Variants in CHODL observed in about 807,000 individuals in gnomAD.
CHODL encodes the protein transmembrane protein MT75.
A neutral mutation model predicts 34.5 loss-of-function variants in CHODL; 29 were observed. That is an observed-to-expected ratio of 0.84 (90% CI 0.63 to 1.15). CHODL has a LOEUF of 1.15. Among genes scored for constraint, CHODL ranks in the 50% most tolerant of loss-of-function variants. CHODL has a pLI of 0.00. For missense variants in CHODL, 332 were observed against 332.5 expected, an observed-to-expected ratio of 1.00 and a Z score of 0.01; for synonymous variants, 125 against 116.1, an observed-to-expected ratio of 1.08 and a Z score of -0.49.
chr21:18,146,945 C>A (rs1416949750), intron 2 of CHODL, among the ~76,000 whole-genome samples: 2 of 152,146 alleles, frequency 1.3e-5, no homozygotes, highest in Non-Finnish European at 2.9e-5. Flanking sequence ...GTGTTGAGAT[C>A]TTGGAAGAGG....
At chr21:18,002,915 A>G (rs2063921008) in intron 1 of CHODL, among the ~76,000 whole-genome samples, 1 of 152,184 alleles carries the variant, frequency 6.6e-6, no homozygotes, top group South Asian at 2.1e-4. Flanking sequence ...TAAGGTCAGG[A>G]GATCGAGACC....
At chr21:18,048,432 G>T (rs1487839730) in intron 2 of CHODL, among the ~76,000 whole-genome samples, 1 of 151,924 alleles carries the variant, frequency 6.6e-6, no homozygotes, top group African/African-American at 2.4e-5. Flanking sequence ...GGAACTAGGT[G>T]TGGGTATATA....
chr21:18,236,112 C>A (rs2074026412), intron 2 of CHODL, among the ~76,000 whole-genome samples: 1 of 152,044 alleles, frequency 6.6e-6, no homozygotes, highest in African/African-American at 2.4e-5. Flanking sequence ...ATTCACAGTT[C>A]CACGTGGCTG....
rs1568952588 is a variant in CHODL, at chr21:18,245,019, C to G, written c.-205C>G. 2.5e-5 allele frequency: 12 copies of G among 476,920 alleles called. No homozygotes were observed. Among genetic ancestry groups the G allele is most frequent in the Non-Finnish European group, 4.4e-5 (12 of 274,484 alleles). The allele number at this position is 476,920 out of a possible 1,614,324, so 29.5% of individuals were successfully genotyped here. On this transcript the variant is annotated 5_prime_UTR_variant, in exon 1 of 6. Transcript: ENST00000299295. ...CCCTCGAAGTCTTGAACTCCAGCCC[C>G]GCACATCCACGCGCGGCACAGGCGC... is the stretch of plus-strand genomic sequence containing the variant.
intron 1 of CHODL, among the ~76,000 whole-genome samples, chr21:17,994,773 C>A (rs1347901756): frequency 6.6e-6 from 1 of 152,048 alleles, no homozygotes; most frequent in Non-Finnish European, 1.5e-5. Context: ...GTTCAACCCC[C>A]CAGGTAATGT....
chr21:18,090,839 A>C (rs2146528993), intron 2 of CHODL, among the ~76,000 whole-genome samples: 1 of 152,256 alleles, frequency 6.6e-6, no homozygotes, highest in Non-Finnish European at 1.5e-5. Flanking sequence ...TGGAACACCA[A>C]ATTTTAACAA....
At chr21:18,245,512 G>T (rs931793870) in intron 1 of CHODL, among the ~76,000 whole-genome samples, 1 of 152,164 alleles carries the variant, frequency 6.6e-6, no homozygotes, top group African/African-American at 2.4e-5. Context: ...TTTGTGAAGC[G>T]CTTGCTTACG....
intron 2 of CHODL, among the ~76,000 whole-genome samples, chr21:18,214,884 G>A (rs2073808808): frequency 6.6e-6 from 1 of 151,998 alleles, no homozygotes. Flanking sequence ...TTAAAAAATA[G>A]TATAGAAATA....
intron 1 of CHODL, among the ~76,000 whole-genome samples, chr21:17,946,446 T>C (rs1223854027): frequency 4.6e-5 from 7 of 152,010 alleles, no homozygotes; most frequent in Admixed American, 2.0e-4. Context: ...GCTGAGAGGG[T>C]TCATTGCCAG....
At chr21:18,012,751 T>A (rs1463112804) in intron 1 of CHODL, among the ~76,000 whole-genome samples, 4 of 152,230 alleles carry the variant, frequency 2.6e-5, no homozygotes, top group Non-Finnish European at 5.9e-5. Flanking sequence ...AAGGATTATG[T>A]TTCCCAGAAG....
intron 2 of CHODL, among the ~76,000 whole-genome samples, chr21:18,211,189 G>A (rs570520801): frequency 7.9e-5 from 11 of 139,608 alleles, no homozygotes; most frequent in South Asian, 4.6e-4. Context: ...CACCCTGGCC[G>A]CATTCCTGCT....
chr21:17,927,409 C>A (rs1397598463), intron 1 of CHODL, among the ~76,000 whole-genome samples: 3 of 152,044 alleles, frequency 2.0e-5, no homozygotes, highest in Non-Finnish European at 4.4e-5. Context: ...TTGCTACGTG[C>A]TGTTCTTATA....
intron 2 of CHODL, among the ~76,000 whole-genome samples, chr21:18,133,406 G>T (rs1204932483): frequency 6.6e-6 from 1 of 152,054 alleles, no homozygotes; most frequent in Non-Finnish European, 1.5e-5. Flanking sequence ...TATAAATAAA[G>T]TCCTTATGGA....
intron 2 of CHODL, among the ~76,000 whole-genome samples, chr21:18,073,958 A>G (rs1455211755): frequency 6.6e-6 from 1 of 152,084 alleles, no homozygotes; most frequent in Non-Finnish European, 1.5e-5. Context: ...CTTGGGATAG[A>G]AGGTCATTTT....
intron 1 of CHODL, among the ~76,000 whole-genome samples, chr21:18,014,419 C>T (rs1600895980): frequency 1.3e-5 from 2 of 152,166 alleles, no homozygotes; most frequent in South Asian, 4.1e-4. Context: ...TAAGTGGTAG[C>T]TAAATATTGA....
At chr21:18,220,071 C>A (rs2073867503) in intron 2 of CHODL, among the ~76,000 whole-genome samples, 2 of 152,180 alleles carry the variant, frequency 1.3e-5, no homozygotes, top group Non-Finnish European at 2.9e-5. Context: ...TCAGGTCTTA[C>A]ATTTAAGTTA....
At chr21:17,974,106 G>C (rs541690259) in intron 1 of CHODL, among the ~76,000 whole-genome samples, 1 of 152,192 alleles carries the variant, frequency 6.6e-6, no homozygotes, top group African/African-American at 2.4e-5. Context: ...GTCTTACAAT[G>C]GGGATTTTGA....
At chr21:18,234,736 C>T (rs184414893) in intron 2 of CHODL, among the ~76,000 whole-genome samples, 44 of 152,178 alleles carry the variant, frequency 2.9e-4, no homozygotes, top group African/African-American at 1.1e-3. Flanking sequence ...GCACTGAAGG[C>T]TCTGCGAAGA....
intron 1 of CHODL, among the ~76,000 whole-genome samples, chr21:17,953,981 C>A (rs1445163424): frequency 6.6e-6 from 1 of 152,000 alleles, no homozygotes; most frequent in Non-Finnish European, 1.5e-5. Flanking sequence ...TGCACTCCAG[C>A]CTGGGCGACA....
Sources: allele counts gnomAD v4.1 joint callset (sites outside exome capture counted in the v4.1 genomes callset), GRCh38; gene constraint gnomAD v4.1.1; transcripts MANE v1.5; gene names NCBI Gene and HGNC (gene_info 2026-07-23, HGNC 2026-07-21).